Variants in ANKRD6 observed in about 807,000 individuals in gnomAD.
ANKRD6 encodes the protein ankyrin repeat domain 6.
ANKRD6 carries 56 observed loss-of-function variants against 82.3 expected under a neutral mutation model. The ratio of observed to expected loss-of-function variants is 0.68; its 90% CI spans 0.55 to 0.85. The LOEUF (loss-of-function observed/expected upper bound fraction) is 0.85. Among genes scored for constraint, ANKRD6 ranks in the 40% least tolerant of loss-of-function variants. ANKRD6 has a pLI of 0.00. For missense variants in ANKRD6, 852 were observed against 907.6 expected (o/e 0.94, Z 0.79); for synonymous variants, 347 against 352.1 (o/e 0.99, Z 0.16).
rs553669326 is a variant in ANKRD6, at chr6:89,573,223, A to G, written c.120+6127A>G. 1.9e-3 allele frequency among the ~76,000 whole-genome samples: 295 copies of G among 152,342 alleles called. 1 individual carries two copies. The highest frequency in any genetic ancestry group is 6.7e-3 in the African/African-American group (279 of 41,586). ...ACTTATAATTATTGTGACTATGTAA[A>G]TGCTGCTCACTGGTTAGCTGAGAAT... On this transcript the variant is annotated intron_variant, in intron 2 of 15. Transcript: ENST00000339746.
At chr6:89,524,306 C>T (rs533840784) in intron 1 of ANKRD6, among the ~76,000 whole-genome samples, 7 of 152,142 alleles carry the variant, frequency 4.6e-5, no homozygotes, top group East Asian at 1.9e-4. Context: ...ACCCCCCTCC[C>T]ACCTTCCCCT....
intron 13 of ANKRD6, among the ~76,000 whole-genome samples, chr6:89,626,183 G>A (rs1805618530): frequency 6.6e-6 from 1 of 152,012 alleles, no homozygotes; most frequent in South Asian, 2.1e-4. Context: ...ATTTTCTTAG[G>A]TCAATAATAG....
intron 1 of ANKRD6, among the ~76,000 whole-genome samples, chr6:89,516,916 T>G (rs1370379225): frequency 6.6e-6 from 1 of 152,234 alleles, no homozygotes; most frequent in Non-Finnish European, 1.5e-5. Flanking sequence ...TTGCCCAGAC[T>G]GGAGTGCAGT....
At chr6:89,564,825 G>A (rs1013364473) in intron 1 of ANKRD6, among the ~76,000 whole-genome samples, 3 of 152,118 alleles carry the variant, frequency 2.0e-5, no homozygotes, top group African/African-American at 7.2e-5. Context: ...GGGGCCGTTG[G>A]GTCTAGTGTC....
intron 2 of ANKRD6, chr6:89,581,749 G>A (rs979785366): frequency 6.6e-6 from 1 of 152,228 alleles, no homozygotes; most frequent in Non-Finnish European, 1.5e-5. Flanking sequence ...ATGGAAAATG[G>A]AATTCCTTCC....
At chr6:89,491,130 C>G (rs766359318) in intron 1 of ANKRD6, among the ~76,000 whole-genome samples, 2 of 152,122 alleles carry the variant, frequency 1.3e-5, no homozygotes, top group African/African-American at 2.4e-5. Context: ...AACACAGCTC[C>G]GCCGACAACT....
At chr6:89,599,267 G>A (rs1796568481) in intron 3 of ANKRD6, among the ~76,000 whole-genome samples, 1 of 152,174 alleles carries the variant, frequency 6.6e-6, no homozygotes, top group Non-Finnish European at 1.5e-5. Flanking sequence ...CAGCTACTCA[G>A]GAGGCTGAAG....
chr6:89,471,503 G>A lies in ANKRD6; in HGVS notation c.-144+38128G>A, dbSNP rs77846001. 5.0e-3 allele frequency among the ~76,000 whole-genome samples: 758 copies of A among 152,150 alleles called. 3 individuals are homozygous for A. Among genetic ancestry groups the A allele is most frequent in the African/African-American group, 0.018 (729 of 41,488 alleles). Reference sequence around the variant, plus strand: ...TATAGACAGGAGGCCCAAGGACTGAGCCTGTGGATTACCTAATGTTACAGC... The same window carrying A: ...TATAGACAGGAGGCCCAAGGACTGAACCTGTGGATTACCTAATGTTACAGC... On this transcript the variant is annotated intron_variant, in intron 1 of 15. Transcript: ENST00000339746.
intron 1 of ANKRD6, among the ~76,000 whole-genome samples, chr6:89,434,122 C>T (rs1582550369): frequency 6.6e-6 from 1 of 152,264 alleles, no homozygotes; most frequent in South Asian, 2.1e-4. Context: ...AGAGCCACTT[C>T]GGGCCCGTGA....
intron 1 of ANKRD6, among the ~76,000 whole-genome samples, chr6:89,483,794 A>G (rs1289447490): frequency 6.6e-6 from 1 of 152,240 alleles, no homozygotes; most frequent in African/African-American, 2.4e-5. Context: ...GTGCATTTAC[A>G]AGAACAAGAT....
chr6:89,572,652 T>A lies in ANKRD6; in HGVS notation c.120+5556T>A, dbSNP rs1790191528. On this transcript the variant is annotated intron_variant, in intron 2 of 15. Coordinates refer to ENST00000339746, the MANE Select transcript of ANKRD6 (RefSeq NM_001242809.2). Reference sequence around the variant, plus strand: ...CTTGTAGAAGCTTTATAGATTTGGATCTTATATTTAGGTTTTTATTCCATT... The same window carrying A: ...CTTGTAGAAGCTTTATAGATTTGGAACTTATATTTAGGTTTTTATTCCATT... Among the ~76,000 whole-genome samples, 3 of 152,130 alleles carry A rather than the reference T, an allele frequency of 2.0e-5. No individual in the cohort carries two copies. The South Asian group carries it at 6.2e-4, about 32-fold the overall frequency.
intron 14 of ANKRD6, among the ~76,000 whole-genome samples, chr6:89,628,536 TAGGTGGGCGGATCACG>T (rs1806448035): frequency 6.6e-6 from 1 of 152,030 alleles, no homozygotes; most frequent in Admixed American, 6.5e-5. Context: ...TTGGGAGGCC[TAGGTGGGCGGATCACG>T]AGGTCAGGAG....
At chr6:89,467,048 A>T (rs900355147) in intron 1 of ANKRD6, among the ~76,000 whole-genome samples, 3 of 151,894 alleles carry the variant, frequency 2.0e-5, no homozygotes, top group Non-Finnish European at 4.4e-5. Context: ...ACTTCACAAG[A>T]TTTTTTTCAA....
intron 1 of ANKRD6, among the ~76,000 whole-genome samples, chr6:89,440,706 G>A (rs1259858470): frequency 6.6e-6 from 1 of 151,862 alleles, no homozygotes; most frequent in Non-Finnish European, 1.5e-5. Context: ...TGGGAGGATC[G>A]ATCGCTTGAG....
rs71556522 is a variant in ANKRD6 at position 89,441,620 on chromosome 6, C to CTTTT, written c.-144+8269_-144+8272dup. On this transcript the variant is annotated intron_variant, in intron 1 of 15. Coordinates refer to ENST00000339746, the MANE Select transcript of ANKRD6 (RefSeq NM_001242809.2). Reference sequence around the variant, plus strand: ...CATAGCCTTGGTTTTCTTTTCTTTCCTTTTTTTTTTTTTTTTTTTTTTTTT... The same window carrying CTTTT: ...CATAGCCTTGGTTTTCTTTTCTTTCCTTTTTTTTTTTTTTTTTTTTTTTTTTTTT... 5.6e-3 allele frequency among the ~76,000 whole-genome samples: 450 copies of CTTTT among 80,458 alleles called. 44 individuals carry two copies. Among genetic ancestry groups the CTTTT allele is most frequent in the African/African-American group, 0.012 (231 of 19,492 alleles). The allele number at this position is 80,458 out of a possible 152,430, so 52.8% of individuals were successfully genotyped here.
At chr6:89,469,642 T>A (rs1295455788) in intron 1 of ANKRD6, among the ~76,000 whole-genome samples, 1 of 152,222 alleles carries the variant, frequency 6.6e-6, no homozygotes, top group Non-Finnish European at 1.5e-5. Context: ...AGACGACACC[T>A]GTCCTCTGGC....
At chr6:89,440,406 T>C (rs1394914538) in intron 1 of ANKRD6, among the ~76,000 whole-genome samples, 1 of 152,248 alleles carries the variant, frequency 6.6e-6, no homozygotes, top group Non-Finnish European at 1.5e-5. Flanking sequence ...GTGCCTTCTC[T>C]AGGCTGTTAA....
At chr6:89,537,784 T>C (rs1784008649) in intron 1 of ANKRD6, among the ~76,000 whole-genome samples, 2 of 146,712 alleles carry the variant, frequency 1.4e-5, no homozygotes. Context: ...CAGTCCCAGC[T>C]ACTCATGAGG....
At position 89,631,601 on chromosome 6, in the gene ANKRD6, T is replaced by G. The variant is rs1051605580; in HGVS notation, c.*597T>G. 3.3e-5 allele frequency: 5 copies of G among 152,366 alleles called. No individual in the cohort carries two copies. The highest frequency in any genetic ancestry group is 1.2e-4 in the African/African-American group (5 of 41,594). The allele number at this position is 152,366 out of a possible 1,614,324, so 9.4% of individuals were successfully genotyped here. ...TCACAAGATCCAATATATCTTATGA[T>G]AAAATTTATTGAAAAGTCAGTTTAT... On this transcript the variant is annotated 3_prime_UTR_variant, in exon 16 of 16. Transcript: ENST00000339746.
Sources: gnomAD v4.1 joint callset for allele counts (sites outside exome capture counted in the v4.1 genomes callset) on GRCh38, gnomAD v4.1.1 for gene constraint, MANE v1.5 for transcripts, NCBI Gene and HGNC (gene_info 2026-07-23, HGNC 2026-07-21) for gene names.